Variants in PACSIN2 observed in about 807,000 individuals in gnomAD.
PACSIN2 encodes the protein protein kinase C and casein kinase substrate in neurons protein 2.
PACSIN2 carries 25 observed loss-of-function variants against 63.8 expected under a neutral mutation model. The observed-to-expected ratio is 0.39, with a 90% CI of 0.29 to 0.55. The LOEUF (loss-of-function observed/expected upper bound fraction) is 0.55, where lower values mean the gene tolerates loss of function less well. Ranked by LOEUF, PACSIN2 falls within the 20% of genes least tolerant of loss-of-function variation. PACSIN2 has a pLI of 0.62. For missense variants in PACSIN2, 518 were observed against 646.9 expected (o/e 0.80, Z 2.16); for synonymous variants, 255 against 256.2 (o/e 1.00, Z 0.05).
At chr22:42,978,948 T>C (rs1372320786) in intron 1 of PACSIN2, among the ~76,000 whole-genome samples, 1 of 152,166 alleles carries the variant, frequency 6.6e-6, no homozygotes, top group African/African-American at 2.4e-5. Context: ...CTCCACCCAA[T>C]GTCTTCCAAG....
chr22:42,875,372 ATTTGTTTG>A (rs748717044), intron 10 of PACSIN2, among the ~76,000 whole-genome samples: 2 of 150,836 alleles, frequency 1.3e-5, no homozygotes, highest in South Asian at 2.1e-4. Flanking sequence ...CAGGTTATTT[ATTTGTTTG>A]TTTGTTTGCG....
Position 42,879,102 on chromosome 22 carries a change from G to T in PACSIN2, c.974C>A (p.Thr325Asn). 1 of 1,614,174 alleles carries T rather than the reference G, an allele frequency of 6.2e-7. No homozygotes were observed. Among genetic ancestry groups the T allele is most frequent in the Non-Finnish European group, 8.5e-7 (1 of 1,180,004 alleles). ...REKKKATDGV[T>N]LTGINQTGDQ... ...GCCTGTCTGGTTGATGCCCGTCAGG[G>T]TGACGCCGTCAGTGGCCTTCTTCTT... is the stretch of plus-strand genomic sequence containing the variant. The change falls in exon 8 of 11, where the codon ACC (threonine) becomes AAC (asparagine). Residue 325 changes from threonine to asparagine, a missense_variant. Coordinates refer to ENST00000263246, the MANE Select transcript of PACSIN2 (RefSeq NM_001184970.3).
chr22:42,947,088 C>T (rs1216124973), intron 1 of PACSIN2: 1 of 152,184 alleles, frequency 6.6e-6, no homozygotes, highest in Non-Finnish European at 1.5e-5. Flanking sequence ...CGCACTTAAA[C>T]CCTAAAAAAG....
chr22:42,944,658 A>G (rs979212599), intron 1 of PACSIN2, among the ~76,000 whole-genome samples: 4 of 152,224 alleles, frequency 2.6e-5, no homozygotes, highest in African/African-American at 9.6e-5. Flanking sequence ...CAGCTGCTCA[A>G]AGCTAAGAAA....
At chr22:42,966,131 G>A (rs1256292363) in intron 1 of PACSIN2, among the ~76,000 whole-genome samples, 1 of 152,132 alleles carries the variant, frequency 6.6e-6, no homozygotes, top group African/African-American at 2.4e-5. Context: ...CAGCACTTTG[G>A]GAGGCTGAGG....
chr22:42,893,323 G>T, intron 3 of PACSIN2, 134 bp downstream of exon 3: 3 of 893,060 alleles, frequency 3.4e-6, no homozygotes, highest in South Asian at 3.1e-5. Flanking sequence ...ACCCCGCTCT[G>T]GAACTGGGAA....
chr22:42,882,964 T>TTG (rs1410948379), intron 6 of PACSIN2, among the ~76,000 whole-genome samples: 1 of 152,194 alleles, frequency 6.6e-6, no homozygotes, highest in East Asian at 1.9e-4. Context: ...AAGGGTTGAA[T>TTG]TGTGTCCTTC....
At chr22:42,932,547 A>G (rs1469355218) in intron 1 of PACSIN2, among the ~76,000 whole-genome samples, 2 of 152,222 alleles carry the variant, frequency 1.3e-5, no homozygotes, top group African/African-American at 4.8e-5. Flanking sequence ...GTGGGACAGT[A>G]AAGTGTTGAC....
intron 5 of PACSIN2, among the ~76,000 whole-genome samples, chr22:42,887,306 C>A (rs1381510301): frequency 6.6e-6 from 1 of 152,186 alleles, no homozygotes; most frequent in Admixed American, 6.5e-5. Context: ...CAGTGAGGAA[C>A]AGTGGAGAAA....
intron 10 of PACSIN2, among the ~76,000 whole-genome samples, chr22:42,874,230 C>A (rs937530563): frequency 6.6e-6 from 1 of 151,334 alleles, no homozygotes; most frequent in Non-Finnish European, 1.5e-5. Context: ...GGGAGGACTG[C>A]TTGAGCCCAG....
intron 1 of PACSIN2, chr22:42,947,081 A>G (rs1476815472): frequency 6.6e-6 from 1 of 152,252 alleles, no homozygotes; most frequent in Non-Finnish European, 1.5e-5. Context: ...CAAGAGACGC[A>G]CTTAAACCCT....
chr22:42,982,252 G>A (rs1268352034), intron 1 of PACSIN2, among the ~76,000 whole-genome samples: 2 of 62,206 alleles, frequency 3.2e-5, no homozygotes, highest in Admixed American at 2.8e-4. Context: ...GAGGGTGGTG[G>A]GGGGGTCAGC....
At chr22:42,972,749 T>A (rs1163475175) in intron 1 of PACSIN2, among the ~76,000 whole-genome samples, 2 of 149,642 alleles carry the variant, frequency 1.3e-5, no homozygotes. Context: ...ATGCTTTTAC[T>A]TTTTTTTTTC....
intron 1 of PACSIN2, among the ~76,000 whole-genome samples, chr22:42,941,823 C>G (rs1933177796): frequency 6.6e-6 from 1 of 152,312 alleles, no homozygotes; most frequent in African/African-American, 2.4e-5. Context: ...GTCACCCAGG[C>G]TGGAGTGCAG....
chr22:42,990,694 AG>A (rs36046053), intron 1 of PACSIN2, among the ~76,000 whole-genome samples: 93 of 152,302 alleles, frequency 6.1e-4, no homozygotes, highest in Admixed American at 5.9e-3. Flanking sequence ...ACGGGTAAGC[AG>A]GGGTCAGACC....
chr22:42,871,351 G>T lies in PACSIN2; in HGVS notation c.*6C>A. On this transcript the variant is annotated 3_prime_UTR_variant, in exon 11 of 11. Transcript: ENST00000263246. This position sits in a 1 kb window ranked among gnomAD's most constrained non-coding sequence, Gnocchi z 5.4. ...TCCGTCCCCCCGCTGGCCTGTCCCC[G>T]ACTCATCACTGGATCGCCTCCACAT... 2 of 1,598,660 alleles carry T rather than the reference G, an allele frequency of 1.3e-6. No homozygotes were observed. The highest frequency in any genetic ancestry group is 2.2e-5 in the East Asian group (1 of 44,794).
At chr22:43,005,176 G>C (rs1228654122) in intron 1 of PACSIN2, among the ~76,000 whole-genome samples, 4 of 152,210 alleles carry the variant, frequency 2.6e-5, no homozygotes, top group Non-Finnish European at 4.4e-5. Flanking sequence ...CAGGTGAGCA[G>C]TGCTCACACC....
At chr22:42,933,674 G>GACCCT in intron 1 of PACSIN2, among the ~76,000 whole-genome samples, 1 of 152,210 alleles carries the variant, frequency 6.6e-6, no homozygotes, top group Non-Finnish European at 1.5e-5. Context: ...ACCCCAACGG[G>GACCCT]GCCCTCACAG....
At chr22:42,950,425 T>TGGGGGAGGGGAGGGAGC (rs1569313906) in intron 1 of PACSIN2, among the ~76,000 whole-genome samples, 1 of 13,708 alleles carries the variant, frequency 7.3e-5, no homozygotes, top group South Asian at 2.1e-3. Flanking sequence ...GGGAAGGGAG[T>TGGGGGAGGGGAGGGAGC]GGGCAGGTGG....
Sources: gnomAD v4.1 joint callset for allele counts (sites outside exome capture counted in the v4.1 genomes callset) on GRCh38, gnomAD v4.1.1 for gene constraint, Gnocchi (gnomAD v3.1) non-coding constraint, MANE v1.5 for transcripts, NCBI Gene and HGNC (gene_info 2026-07-23, HGNC 2026-07-21) for gene names.